HTR4: variants seen among roughly 807,000 people sequenced by gnomAD.
HTR4 encodes the protein 5-hydroxytryptamine receptor 4, also known as 5-hydroxytryptamine (serotonin) receptor 4, G protein-coupled.
Under a neutral mutation model 36.8 loss-of-function variants are expected in HTR4, and 16 were observed. That is an observed-to-expected ratio of 0.43 (90% CI 0.29 to 0.66). The LOEUF (loss-of-function observed/expected upper bound fraction) is 0.66. Ranked by LOEUF, HTR4 falls within the 30% of genes least tolerant of loss-of-function variation. The pLI, the probability that HTR4 is intolerant of heterozygous loss-of-function variation, is 0.13. For synonymous variants in HTR4, 189 were observed against 185.1 expected (o/e 1.02, Z -0.17); for missense variants, 438 against 490.9 (o/e 0.89, Z 1.02).
At chr5:148,480,837 G>A (rs1248474883), downstream of HTR4, among the ~76,000 whole-genome samples, 27 of 152,144 alleles carry the variant, frequency 1.8e-4, no homozygotes, top group Non-Finnish European at 1.5e-5. Context: ...CGAGTGCTCA[G>A]GCACATCCAC....
chr5:148,451,343 CCTT>C (rs1427397458), intron 5 of HTR4: 35 of 1,606,944 alleles, frequency 2.2e-5, no homozygotes, highest in South Asian at 2.1e-4. Flanking sequence ...CAAGAGCACT[CCTT>C]CTACTCTTGA....
intron 1 of HTR4, among the ~76,000 whole-genome samples, chr5:148,643,468 T>C (rs1372105735): frequency 6.6e-6 from 1 of 151,916 alleles, no homozygotes; most frequent in African/African-American, 2.4e-5. Flanking sequence ...AAGAATACAA[T>C]GAGATCCCAA....
At chr5:148,585,643 C>T (rs1004374770) in intron 2 of HTR4, among the ~76,000 whole-genome samples, 1 of 152,186 alleles carries the variant, frequency 6.6e-6, no homozygotes, top group Non-Finnish European at 1.5e-5. Context: ...AAATGACTTG[C>T]AGGCATACCT....
At chr5:148,603,160 T>C (rs758082599) in intron 2 of HTR4, among the ~76,000 whole-genome samples, 2 of 152,034 alleles carry the variant, frequency 1.3e-5, no homozygotes, top group Non-Finnish European at 2.9e-5. Context: ...CTAAAAATTG[T>C]AAGCAAAACA....
chr5:148,621,201 C>T (rs933498266), intron 2 of HTR4, among the ~76,000 whole-genome samples: 2 of 152,186 alleles, frequency 1.3e-5, no homozygotes, highest in Non-Finnish European at 2.9e-5. Flanking sequence ...CAATTCCTAA[C>T]AAGAAATCAA....
intron 6 of HTR4, among the ~76,000 whole-genome samples, chr5:148,504,472 T>A (rs539926794): frequency 3.3e-5 from 5 of 152,186 alleles, no homozygotes; most frequent in African/African-American, 1.2e-4. Flanking sequence ...CATACCAGAA[T>A]CTCTGGGACA....
At chr5:148,617,010 A>G (rs748407224) in intron 2 of HTR4, among the ~76,000 whole-genome samples, 7 of 152,236 alleles carry the variant, frequency 4.6e-5, no homozygotes, top group Non-Finnish European at 8.8e-5. Flanking sequence ...AGAATCTTAT[A>G]TCATTATTTC....
At chr5:148,651,358 C>T (rs1032133372) in intron 1 of HTR4, among the ~76,000 whole-genome samples, 2 of 152,150 alleles carry the variant, frequency 1.3e-5, no homozygotes, top group African/African-American at 2.4e-5. Flanking sequence ...AGGCAGCTAG[C>T]ACCACAGCAA....
chr5:148,568,734 T>G (rs988129680), intron 2 of HTR4, among the ~76,000 whole-genome samples: 3 of 152,162 alleles, frequency 2.0e-5, no homozygotes, highest in Non-Finnish European at 1.5e-5. Context: ...TTAGTAAAGC[T>G]TTTTGGATGC....
chr5:148,650,344 T>C (rs1753997147), intron 1 of HTR4, among the ~76,000 whole-genome samples: 1 of 152,224 alleles, frequency 6.6e-6, no homozygotes, highest in Non-Finnish European at 1.5e-5. Flanking sequence ...CAGACGTGCC[T>C]TAGATTTGCA....
intron 6 of HTR4, chr5:148,490,697 T>C (rs1756376666): frequency 8.3e-7 from 1 of 1,211,706 alleles, no homozygotes; most frequent in Non-Finnish European, 1.0e-6. Context: ...CATCCAATTG[T>C]CTCCTTCAAC....
intron 5 of HTR4, among the ~76,000 whole-genome samples, chr5:148,517,933 A>AT (rs1017182139): frequency 1.7e-4 from 25 of 151,292 alleles, no homozygotes; most frequent in African/African-American, 4.1e-4. Flanking sequence ...TCTCCTATAT[A>AT]TTTTTTTTTA....
chr5:148,617,813 C>G (rs1752761916), intron 2 of HTR4, among the ~76,000 whole-genome samples: 1 of 152,054 alleles, frequency 6.6e-6, no homozygotes, highest in South Asian at 2.1e-4. Flanking sequence ...ATGAATTAAT[C>G]AGGACTCTGG....
chr5:148,614,639 A>G (rs1034898387), intron 2 of HTR4, among the ~76,000 whole-genome samples: 26 of 152,358 alleles, frequency 1.7e-4, no homozygotes, highest in African/African-American at 5.8e-4. Context: ...TTCATGTCTA[A>G]GACACCAAAA....
At chr5:148,559,331 A>G (rs963763693) in intron 2 of HTR4, among the ~76,000 whole-genome samples, 1 of 152,188 alleles carries the variant, frequency 6.6e-6, no homozygotes, top group Non-Finnish European at 1.5e-5. Context: ...CTTCTTCATT[A>G]CCTTTATTAC....
intron 2 of HTR4, among the ~76,000 whole-genome samples, chr5:148,551,652 C>T (rs879878579): frequency 1.3e-5 from 2 of 152,134 alleles, no homozygotes; most frequent in African/African-American, 4.8e-5. Flanking sequence ...CTTAGACCAG[C>T]GGTGTCCAAT....
At chr5:148,525,262 A>G (rs958425901) in intron 4 of HTR4, among the ~76,000 whole-genome samples, 11 of 152,244 alleles carry the variant, frequency 7.2e-5, no homozygotes, top group Admixed American at 6.5e-4. Flanking sequence ...GGTGATATTC[A>G]TAATCATCAG....
intron 4 of HTR4, 124 bp downstream of exon 4, chr5:148,548,544 T>C (rs1225231000): frequency 1.2e-6 from 1 of 838,168 alleles, no homozygotes; most frequent in Admixed American, 2.5e-5. Flanking sequence ...TATAACTGAA[T>C]TATCAAATTT....
chr5:148,482,588 C>T lies in HTR4; in HGVS notation c.*615G>A, dbSNP rs754164727. ...TTGGACATAAGGAAGAGCAAGTGGA[C>T]GTCTGGGACTGACAAGGGGGCCAAC... is the stretch of plus-strand genomic sequence containing the variant. On this transcript the variant is annotated 3_prime_UTR_variant, in exon 7 of 7. Transcript: ENST00000377888. The T allele has an allele frequency of 3.4e-5, 34 of 986,704 alleles. No homozygotes were observed. The highest frequency in any genetic ancestry group is 6.0e-5 in the Admixed American group (1 of 16,550). The allele number at this position is 986,704 out of a possible 1,614,324, so 61.1% of individuals were successfully genotyped here.
Sources: allele counts gnomAD v4.1 joint callset (sites outside exome capture counted in the v4.1 genomes callset), GRCh38; gene constraint gnomAD v4.1.1; transcripts MANE v1.5; gene names NCBI Gene and HGNC (gene_info 2026-07-23, HGNC 2026-07-21).